Variants in MED12L observed in about 807,000 individuals in gnomAD.
The protein encoded by MED12L is mediator of RNA polymerase II transcription subunit 12-like protein.
Under a neutral mutation model 281.3 loss-of-function variants are expected in MED12L, and 60 were observed. The ratio of observed to expected loss-of-function variants is 0.21; its 90% CI spans 0.17 to 0.26. MED12L has a LOEUF of 0.26. Ranked by LOEUF, MED12L falls within the 10% of genes least tolerant of loss-of-function variation. The pLI is 1.00. For missense variants in MED12L, 2,146 were observed against 2,680.9 expected (o/e 0.80, Z 4.41); for synonymous variants, 974 against 987.2 (o/e 0.99, Z 0.25).
intron 39 of MED12L, among the ~76,000 whole-genome samples, chr3:151,407,907 G>A (rs1716516410): frequency 6.6e-6 from 1 of 152,188 alleles, no homozygotes; most frequent in South Asian, 2.1e-4. Context: ...ACTGTCTTAG[G>A]TATGCATTTG....
At position 151,435,062 on chromosome 3, in the gene MED12L, C is replaced by CTTTTTTTTTTTTTTTTTTTTTTTT. The variant is rs66791814; in HGVS notation, c.*2278_*2279insTTTTTTTTTTTTTTTTTTTTTTTT. 2 of 119,082 alleles carry CTTTTTTTTTTTTTTTTTTTTTTTT rather than the reference C, an allele frequency of 1.7e-5. No homozygotes were observed. The allele number at this position is 119,082 out of a possible 1,614,324, so 7.4% of individuals were successfully genotyped here. ...GTTAATTCTGTATCTTGAGAGGTTTCTTTTTTTTTTTTTTTTTTTTCTTTT... is the reference window on the plus strand; with the variant it reads ...GTTAATTCTGTATCTTGAGAGGTTTCTTTTTTTTTTTTTTTTTTTTTTTTTTTTTTTTTTTTTTTTTTTTCTTTT... On this transcript the variant is annotated 3_prime_UTR_variant, in exon 45 of 45. Coordinates refer to ENST00000687756, the MANE Select transcript of MED12L (RefSeq NM_001393769.1).
intron 4 of MED12L, among the ~76,000 whole-genome samples, chr3:151,126,373 G>A (rs1035316489): frequency 2.0e-5 from 3 of 152,136 alleles, no homozygotes; most frequent in Admixed American, 2.0e-4. Flanking sequence ...TGCAACCCAG[G>A]CAGCTTTTCC....
At position 151,233,295 on chromosome 3, in the gene MED12L, A is replaced by T. The variant is rs537976282; in HGVS notation, c.2250+39629A>T. ...ATCTCTTATTCTCATCACATTCTGTAGCAATAGCTACCATTCATTTTGAGT... is the reference window on the plus strand; with the variant it reads ...ATCTCTTATTCTCATCACATTCTGTTGCAATAGCTACCATTCATTTTGAGT... On this transcript the variant is annotated intron_variant, in intron 16 of 44. Transcript: ENST00000687756. 6.6e-5 allele frequency among the ~76,000 whole-genome samples: 10 copies of T among 152,362 alleles called. No individual in the cohort carries two copies. In the South Asian group the frequency reaches 1.9e-3, roughly 28 times the overall value.
intron 16 of MED12L, among the ~76,000 whole-genome samples, chr3:151,265,046 T>C (rs898410284): frequency 3.9e-5 from 6 of 152,196 alleles, no homozygotes; most frequent in Non-Finnish European, 7.3e-5. Context: ...TTTCTTCCTC[T>C]CACCCTATTT....
rs1727410410 is a variant in MED12L, at chr3:151,212,905, A to C, written c.2250+19239A>C. On this transcript the variant is annotated intron_variant, in intron 16 of 44. Transcript: ENST00000687756. ...TAAGGACAGTGTTGAAAACAATTAC[A>C]TACTAGATTCTGGTATTTAGAGAAA... The C allele has an allele frequency of 2.6e-5, 4 of 153,788 alleles. No homozygotes were observed. In the Admixed American group the frequency reaches 2.6e-4, roughly 10 times the overall value. 9.5% of individuals were successfully genotyped at this position (153,788 alleles called of 1,614,324 possible).
rs1749850199 is a variant in MED12L at position 151,327,966 on chromosome 3, T to C, written c.2251-22093T>C. 2.7e-6 allele frequency: 4 copies of C among 1,467,776 alleles called. No homozygotes were observed. In the South Asian group the frequency reaches 4.4e-5, roughly 16 times the overall value. The allele number at this position is 1,467,776 out of a possible 1,614,324, so 90.9% of individuals were successfully genotyped here. On this transcript the variant is annotated intron_variant, in intron 16 of 44. Transcript: ENST00000687756. ...TATCTACGGAAGTCTCATCAATAAA[T>C]AGAAGTTAACCCTATGTACAGTTGT...
At chr3:151,241,064 T>TA (rs1038504628) in intron 16 of MED12L, among the ~76,000 whole-genome samples, 11 of 151,950 alleles carry the variant, frequency 7.2e-5, no homozygotes, top group African/African-American at 2.4e-4. Context: ...CGGGGGACTA[T>TA]ACTCATGGGA....
intron 16 of MED12L, among the ~76,000 whole-genome samples, chr3:151,244,522 G>A (rs1260566198): frequency 2.0e-5 from 3 of 149,196 alleles, no homozygotes; most frequent in East Asian, 2.0e-4. Flanking sequence ...TGACTACTGG[G>A]TACATAACGA....
At chr3:151,355,845 A>G in intron 18 of MED12L, 51 bp from the exon 19 acceptor site, 2 of 1,485,304 alleles carry the variant, frequency 1.3e-6, no homozygotes, top group Non-Finnish European at 1.8e-6. Context: ...ATCTTAGTAA[A>G]AGATTATTTA....
intron 36 of MED12L, among the ~76,000 whole-genome samples, chr3:151,385,927 A>T (rs1192970625): frequency 1.3e-5 from 2 of 152,178 alleles, no homozygotes; most frequent in Non-Finnish European, 2.9e-5. Context: ...ACAATCACCA[A>T]GATGAAAGAC....
chr3:151,431,385 G>A (rs887255539), intron 44 of MED12L, among the ~76,000 whole-genome samples: 2 of 152,178 alleles, frequency 1.3e-5, no homozygotes, highest in African/African-American at 4.8e-5. Flanking sequence ...CCTGGCTGCT[G>A]TGTGAGTTGA....
chr3:151,396,245 C>T (rs1190988738), intron 39 of MED12L, among the ~76,000 whole-genome samples: 1 of 152,138 alleles, frequency 6.6e-6, no homozygotes, highest in African/African-American at 2.4e-5. Flanking sequence ...TAGAGTTATA[C>T]TATTGCTTCA....
chr3:151,359,167 T>G (rs1464651639), intron 20 of MED12L, among the ~76,000 whole-genome samples: 2 of 152,068 alleles, frequency 1.3e-5, no homozygotes, highest in African/African-American at 2.4e-5. Context: ...CCACTTACAG[T>G]GAGAATATGT....
At chr3:151,398,249 T>G (rs1304242757) in intron 39 of MED12L, among the ~76,000 whole-genome samples, 1 of 152,232 alleles carries the variant, frequency 6.6e-6, no homozygotes, top group Non-Finnish European at 1.5e-5. Context: ...CTGCTACAGT[T>G]GTTTTGGAAA....
At chr3:151,374,042 C>G (rs1443584207) in intron 27 of MED12L, among the ~76,000 whole-genome samples, 1 of 152,112 alleles carries the variant, frequency 6.6e-6, no homozygotes, top group African/African-American at 2.4e-5. Flanking sequence ...TCCAATCCAA[C>G]CCCACAAAGT....
At chr3:151,414,743 A>G (rs1336470804) in intron 42 of MED12L, among the ~76,000 whole-genome samples, 1 of 152,236 alleles carries the variant, frequency 6.6e-6, no homozygotes, top group Non-Finnish European at 1.5e-5. Context: ...CAAAATTGAT[A>G]ACATGTGGTA....
At chr3:151,307,533 C>G (rs6779635) in intron 16 of MED12L, among the ~76,000 whole-genome samples, 25 of 137,796 alleles carry the variant, frequency 1.8e-4, no homozygotes, top group South Asian at 9.9e-4. Context: ...GTAACTTGCT[C>G]TGTGTGTGTG....
At chr3:151,250,276 G>A (rs1377498727) in intron 16 of MED12L, among the ~76,000 whole-genome samples, 2 of 152,124 alleles carry the variant, frequency 1.3e-5, no homozygotes, top group Non-Finnish European at 2.9e-5. Context: ...TTTTGGGATT[G>A]TGGTGAAATA....
chr3:151,430,244 G>C, intron 43 of MED12L, 55 bp from the exon 44 acceptor site: 1 of 1,610,248 alleles, frequency 6.2e-7, no homozygotes, highest in Non-Finnish European at 8.5e-7. Flanking sequence ...CTCTGTTCTT[G>C]TCTGTGATTG....
Sources: gnomAD v4.1 joint callset for allele counts (sites outside exome capture counted in the v4.1 genomes callset) on GRCh38, gnomAD v4.1.1 for gene constraint, MANE v1.5 for transcripts, NCBI Gene and HGNC (gene_info 2026-07-23, HGNC 2026-07-21) for gene names.